The following NNT variants were observed in gnomAD, a reference collection of about 807,000 sequenced individuals.
NNT encodes the protein NAD(P) transhydrogenase, mitochondrial.
Under a neutral mutation model 104.8 loss-of-function variants are expected in NNT, and 50 were observed. The ratio of observed to expected loss-of-function variants is 0.48; its 90% CI spans 0.38 to 0.60. The LOEUF (loss-of-function observed/expected upper bound fraction) is 0.60, where lower values mean the gene tolerates loss of function less well. NNT is among the 20% of genes least tolerant of loss of function. The pLI, the probability that NNT is intolerant of heterozygous loss-of-function variation, is 0.00. For missense variants in NNT, 1,131 were observed against 1,330.7 expected (o/e 0.85, Z 2.33); for synonymous variants, 461 against 490.4 (o/e 0.94, Z 0.79).
chr5:43,640,680 G>GT (rs1223022429), intron 7 of NNT, among the ~76,000 whole-genome samples: 1 of 151,444 alleles, frequency 6.6e-6, no homozygotes, highest in Non-Finnish European at 1.5e-5. Context: ...TGTTTTTACT[G>GT]TTTTTATTGA....
At chr5:43,615,102 A>G (rs1749715441) in intron 3 of NNT, among the ~76,000 whole-genome samples, 1 of 151,946 alleles carries the variant, frequency 6.6e-6, no homozygotes, top group African/African-American at 2.4e-5. Context: ...GCGCCACTGC[A>G]GTCCGCAGTC....
chr5:43,644,100 T>A, intron 7 of NNT, 92 bp from the exon 8 acceptor site: 2 of 1,229,140 alleles, frequency 1.6e-6, no homozygotes, highest in Non-Finnish European at 2.3e-6. Context: ...AGATGTTAAA[T>A]TCCTGAATGC....
chr5:43,616,069 G>A lies in NNT; in HGVS notation c.599+4G>A, dbSNP rs1561264915. On this transcript the variant is annotated splice_donor_region_variant and intron_variant, in intron 4 of 21. Transcript: ENST00000344920. ...GCTCCATGGCCAACATTGCGGGGTA[G>A]GTTCTTTTCCATTTCAATTGAACAA... 1.9e-6 allele frequency: 3 copies of A among 1,610,144 alleles called. No individual in the cohort carries two copies. Among genetic ancestry groups the A allele is most frequent in the East Asian group, 2.2e-5 (1 of 44,832 alleles).
At position 43,624,077 on chromosome 5, in the gene NNT, G is replaced by T; in HGVS notation, c.733G>T (p.Ala245Ser). 1 of 1,614,188 alleles carries T rather than the reference G, an allele frequency of 6.2e-7. No individual in the cohort carries two copies. Among genetic ancestry groups the T allele is most frequent in the Non-Finnish European group, 8.5e-7 (1 of 1,180,024 alleles). Residue 245 changes from alanine (A) to serine (S), a missense_variant, in exon 6 of 22, where the codon GCA (alanine) becomes TCA (serine). Physicochemically the swap from Ala to Ser is moderately conservative, Grantham distance 99 (BLOSUM62 1). Transcript: ENST00000344920. ...GGVAGLASAGAAKSMGAIVRG... is the reference protein window; with the variant it reads ...GGVAGLASAGSAKSMGAIVRG... ...TGTTGCTGGGCTTGCTTCTGCAGGCGCAGCAAAGTCGATGGGTGCAATTGT... is the reference window on the plus strand; with the variant it reads ...TGTTGCTGGGCTTGCTTCTGCAGGCTCAGCAAAGTCGATGGGTGCAATTGT...
At chr5:43,670,487 GT>G (rs1383404187) in intron 17 of NNT, among the ~76,000 whole-genome samples, 1 of 152,138 alleles carries the variant, frequency 6.6e-6, no homozygotes, top group African/African-American at 2.4e-5. Context: ...TTGTGTCTTT[GT>G]TCTCATTGGT....
chr5:43,662,042 A>G (rs1028097369), intron 17 of NNT, among the ~76,000 whole-genome samples: 20 of 152,324 alleles, frequency 1.3e-4, no homozygotes, highest in African/African-American at 3.1e-4. Flanking sequence ...AACAAAGCCT[A>G]TGGCATGCTG....
At chr5:43,619,264 T>G in intron 5 of NNT, 145 bp downstream of exon 5, 1 of 378,348 alleles carries the variant, frequency 2.6e-6, no homozygotes, top group Non-Finnish European at 4.6e-6. Context: ...TCACGAAACC[T>G]CAAAGCTTAA....
chr5:43,686,934 G>A (rs1322477271), intron 19 of NNT, among the ~76,000 whole-genome samples: 1 of 152,124 alleles, frequency 6.6e-6, no homozygotes, highest in Non-Finnish European at 1.5e-5. Context: ...TGGCAATCTA[G>A]AACTCTTAAC....
intron 17 of NNT, among the ~76,000 whole-genome samples, chr5:43,666,338 C>A (rs997680186): frequency 2.6e-5 from 4 of 152,146 alleles, no homozygotes; most frequent in African/African-American, 9.7e-5. Context: ...CGTCTGCAAC[C>A]CCGGCACCTT....
intron 19 of NNT, among the ~76,000 whole-genome samples, chr5:43,693,021 A>G (rs756978949): frequency 6.6e-6 from 1 of 151,966 alleles, no homozygotes; most frequent in African/African-American, 2.4e-5. Context: ...AATTGTTATT[A>G]TACTTAAGTA....
At chr5:43,654,782 G>T (rs908963916) in intron 14 of NNT, among the ~76,000 whole-genome samples, 2 of 152,096 alleles carry the variant, frequency 1.3e-5, no homozygotes, top group African/African-American at 4.8e-5. Flanking sequence ...TTTTCCCCTG[G>T]AACTGGTTAT....
At position 43,704,352 on chromosome 5, in the gene NNT, A is replaced by G. The variant is rs1365203747; in HGVS notation, c.3209A>G (p.Lys1070Arg). The change falls in exon 22 of 22, where the codon AAG becomes AGG. Residue 1070 changes from lysine to arginine, a missense_variant. Coordinates refer to ENST00000344920, the MANE Select transcript of NNT (RefSeq NM_182977.3). ...ACGGCCATGCTTCTAGGTGATGCCA[A>G]GAAAACATGTGACGCGCTCCAGGCG... ...PNTAMLLGDA[K>R]KTCDALQAKV... 9.3e-6 allele frequency: 15 copies of G among 1,613,710 alleles called. No homozygotes were observed. The highest frequency in any genetic ancestry group is 2.2e-5 in the East Asian group (1 of 44,876).
intron 5 of NNT, among the ~76,000 whole-genome samples, chr5:43,622,952 TTTC>T (rs1750175309): frequency 6.6e-6 from 1 of 152,056 alleles, no homozygotes; most frequent in South Asian, 2.1e-4. Context: ...TTTTTCTTTC[TTTC>T]TTTTTTTCTT....
At chr5:43,691,066 A>T (rs893287492) in intron 19 of NNT, among the ~76,000 whole-genome samples, 174 of 132,304 alleles carry the variant, frequency 1.3e-3, no homozygotes, top group Middle Eastern at 7.6e-3. Flanking sequence ...AATTTTTTTG[A>T]GAGAGTGTGT....
chr5:43,689,195 G>A (rs1742137460), intron 19 of NNT, among the ~76,000 whole-genome samples: 1 of 152,116 alleles, frequency 6.6e-6, no homozygotes, highest in African/African-American at 2.4e-5. Context: ...TTTGAGAGTT[G>A]TCTATTCATG....
At chr5:43,666,881 G>C (rs557748715) in intron 17 of NNT, 7 of 1,538,202 alleles carry the variant, frequency 4.6e-6, no homozygotes, top group Non-Finnish European at 6.2e-6. Context: ...GGCCAGCACA[G>C]CCTGGGCCCC....
At chr5:43,626,552 T>G (rs1268025760) in intron 6 of NNT, among the ~76,000 whole-genome samples, 1 of 152,096 alleles carries the variant, frequency 6.6e-6, no homozygotes, top group African/African-American at 2.4e-5. Context: ...GTTTTTAAAT[T>G]ATGAGATTAT....
chr5:43,666,260 G>T (rs1053953469), intron 17 of NNT, among the ~76,000 whole-genome samples: 5 of 152,112 alleles, frequency 3.3e-5, no homozygotes, highest in African/African-American at 1.2e-4. Context: ...GGGGGAGGTT[G>T]TAGCCAGCCG....
rs1412571878 is a variant in NNT, at chr5:43,675,493, G to T, written c.2635-18G>T. The T allele has an allele frequency of 6.2e-7, 1 of 1,603,042 alleles. No individual in the cohort carries two copies. Among genetic ancestry groups the T allele is most frequent in the Admixed American group, 1.7e-5 (1 of 57,410 alleles). On this transcript the variant is annotated intron_variant, in intron 17 of 21. Coordinates refer to ENST00000344920, the MANE Select transcript of NNT (RefSeq NM_182977.3). ...TTATGTGTGTTAAACTCTCACAGCT[G>T]ATAATTTGGCTTTCTAGGCAATGAA...
Sources: gnomAD v4.1 joint callset for allele counts (sites outside exome capture counted in the v4.1 genomes callset) on GRCh38, gnomAD v4.1.1 for gene constraint, MANE v1.5 for transcripts, NCBI Gene and HGNC (gene_info 2026-07-23, HGNC 2026-07-21) for gene names.